The following PCDHGB6 variants were observed in gnomAD, a reference collection of about 807,000 sequenced individuals.
PCDHGB6 encodes the protein protocadherin gamma-B6.
PCDHGB6 carries 51 observed loss-of-function variants against 59.1 expected under a neutral mutation model. The ratio of observed to expected loss-of-function variants is 0.86; its 90% CI spans 0.69 to 1.09. PCDHGB6 has a LOEUF of 1.09. PCDHGB6 is among the 50% of genes least tolerant of loss of function. PCDHGB6 has a pLI of 0.00. For missense variants in PCDHGB6, 1,148 were observed against 1,205.1 expected (o/e 0.95, Z 0.70); for synonymous variants, 466 against 495.1 (o/e 0.94, Z 0.78).
At position 141,489,181 on chromosome 5, in the gene PCDHGB6, T is replaced by C; in HGVS notation, c.2419-5626T>C. The C allele has an allele frequency of 1.6e-6, 2 of 1,259,546 alleles. No homozygotes were observed. The highest frequency in any genetic ancestry group is 2.2e-6 in the Non-Finnish European group (2 of 905,040). The allele number at this position is 1,259,546 out of a possible 1,614,324, so 78.0% of individuals were successfully genotyped here. ...ACTTCAGCTGCTGCATTCCAAGCCC[T>C]GGGTCTACCTTGGAGACAGGACAGC... On this transcript the variant is annotated intron_variant, in intron 1 of 3. Transcript: ENST00000520790. This position sits in a 1 kb window ranked among gnomAD's most constrained non-coding sequence, Gnocchi z 4.5.
chr5:141,442,414 ACTT>A (rs1258523193), intron 1 of PCDHGB6: 2 of 152,190 alleles, frequency 1.3e-5, no homozygotes, highest in Non-Finnish European at 2.9e-5. Flanking sequence ...GGCTGAGTGA[ACTT>A]CTTTTTTGAA....
chr5:141,483,435 A>G (rs2099581280), intron 1 of PCDHGB6, among the ~76,000 whole-genome samples: 1 of 152,180 alleles, frequency 6.6e-6, no homozygotes, highest in Admixed American at 6.5e-5. Context: ...GGAGCTGACT[A>G]CAATAAAATC....
chr5:141,429,232 G>T (rs938585192), intron 1 of PCDHGB6: 2 of 151,668 alleles, frequency 1.3e-5, no homozygotes, highest in Non-Finnish European at 2.9e-5. Flanking sequence ...TTATGATACT[G>T]CTGTCATTGA....
chr5:141,490,497 C>G lies in PCDHGB6; in HGVS notation c.2419-4310C>G. The stretch of plus-strand genomic sequence containing the variant: ...CTTTGGACCGGGAGGCCACATCCCA[C>G]TATATCATCGAGCTGCTGGCCAGCG... On this transcript the variant is annotated intron_variant, in intron 1 of 3. Transcript: ENST00000520790. The surrounding 1 kb of genome is among the most constrained non-coding windows in gnomAD (Gnocchi z 5.4). 6.2e-7 allele frequency: 1 copy of G among 1,614,196 alleles called. No individual in the cohort carries two copies. Among genetic ancestry groups the G allele is most frequent in the South Asian group, 1.1e-5 (1 of 91,084 alleles).
At chr5:141,451,018 C>T (rs1307161489) in intron 1 of PCDHGB6, among the ~76,000 whole-genome samples, 7 of 151,264 alleles carry the variant, frequency 4.6e-5, no homozygotes, top group African/African-American at 1.5e-4. Flanking sequence ...TTAGTAGAGA[C>T]GAGGTTTCAC....
At chr5:141,427,361 A>C in intron 1 of PCDHGB6, 1 of 457,772 alleles carries the variant, frequency 2.2e-6, no homozygotes, top group Non-Finnish European at 4.4e-6. Flanking sequence ...AGGACGCAGA[A>C]CCCTGGACGG....
rs764742899 is a variant in PCDHGB6, at chr5:141,487,062, C to T, written c.2419-7745C>T. On this transcript the variant is annotated intron_variant, in intron 1 of 3. Transcript: ENST00000520790. This position sits in a 1 kb window ranked among gnomAD's most constrained non-coding sequence, Gnocchi z 5.0. Reference sequence around the variant, plus strand: ...TCTCGATATGCTGGGGAGGTGCGGACGGCTGTTCCTATCCCAGCTGACCTC... The same window carrying T: ...TCTCGATATGCTGGGGAGGTGCGGATGGCTGTTCCTATCCCAGCTGACCTC... 2.8e-5 allele frequency: 45 copies of T among 1,613,980 alleles called. No homozygotes were observed. Among genetic ancestry groups the T allele is most frequent in the East Asian group, 1.3e-4 (6 of 44,874 alleles).
chr5:141,492,579 G>T (rs547852117), intron 1 of PCDHGB6, among the ~76,000 whole-genome samples: 2 of 152,356 alleles, frequency 1.3e-5, no homozygotes, highest in East Asian at 1.9e-4. Context: ...GAGGCGCGGG[G>T]CCAGGAGCGC....
At chr5:141,430,612 G>A (rs1406353008) in intron 1 of PCDHGB6, 2 of 680,678 alleles carry the variant, frequency 2.9e-6, no homozygotes, top group African/African-American at 3.7e-5. Flanking sequence ...GCACAAAGCA[G>A]ATAGCTAGGA....
chr5:141,475,106 G>T (rs1182368610), intron 1 of PCDHGB6, among the ~76,000 whole-genome samples: 6 of 152,220 alleles, frequency 3.9e-5, no homozygotes, highest in Admixed American at 2.0e-4. Context: ...ATCCTAGGTG[G>T]TAAATAGGCC....
rs1262043820 is a variant in PCDHGB6, at chr5:141,415,755, T to TTG, written c.2418+5136_2418+5137insGT. Reference sequence around the variant, plus strand: ...GTTTATTAAGGTTTTTTTTTTTTTTTTTTTTTTTTTTTTTTTTACTTTCTG... The same window carrying TTG: ...GTTTATTAAGGTTTTTTTTTTTTTTTTGTTTTTTTTTTTTTTTTTACTTTCTG... On this transcript the variant is annotated intron_variant, in intron 1 of 3. Transcript: ENST00000520790. 56 of 1,387,630 alleles carry TTG rather than the reference T, an allele frequency of 4.0e-5. No individual in the cohort carries two copies. The African/African-American group carries it at 7.5e-4, about 19-fold the overall frequency. The allele number at this position is 1,387,630 out of a possible 1,614,324, so 86.0% of individuals were successfully genotyped here. A position where few individuals can be genotyped will look rare whatever the true frequency, so the allele number is the denominator to read the frequency against.
rs762408704 is a variant in PCDHGB6 at position 141,486,335 on chromosome 5, C to G, written c.2419-8472C>G. 6.2e-7 allele frequency: 1 copy of G among 1,613,936 alleles called. No individual in the cohort carries two copies. The highest frequency in any genetic ancestry group is 8.5e-7 in the Non-Finnish European group (1 of 1,180,002). ...AGGGTCAAACGGAGATGTGAGCCTC[C>G]GCATTCCTGACCACTTGCCATTTGC... On this transcript the variant is annotated intron_variant, in intron 1 of 3. Transcript: ENST00000520790. This position sits in a 1 kb window ranked among gnomAD's most constrained non-coding sequence, Gnocchi z 5.0.
chr5:141,494,773 G>C, intron 1 of PCDHGB6, 34 bp from the exon 2 acceptor site: 1 of 1,613,966 alleles, frequency 6.2e-7, no homozygotes, highest in Non-Finnish European at 8.5e-7. Context: ...CTTCTCACGG[G>C]TACTCAGCCC....
At chr5:141,510,682 G>C (rs1014890367) in intron 3 of PCDHGB6, among the ~76,000 whole-genome samples, 2 of 152,154 alleles carry the variant, frequency 1.3e-5, no homozygotes, top group Non-Finnish European at 2.9e-5. Context: ...GTGGCATAAG[G>C]AGGTTAGGTA....
At position 141,422,330 on chromosome 5, in the gene PCDHGB6, C is replaced by T. The variant is rs200342957; in HGVS notation, c.2418+11710C>T. 1,454 of 1,548,164 alleles carry T rather than the reference C, an allele frequency of 9.4e-4. 3 individuals carry two copies. The highest frequency in any genetic ancestry group is 7.9e-4 in the Non-Finnish European group (910 of 1,153,526). On this transcript the variant is annotated intron_variant, in intron 1 of 3. Transcript: ENST00000520790. The stretch of plus-strand genomic sequence containing the variant: ...AACTCTCCTCCAGGTACAGTGATTG[C>T]TCTTCTAAATGTGCAAGATCAAGAT...
chr5:141,478,097 A>G lies in PCDHGB6; in HGVS notation c.2419-16710A>G, dbSNP rs757796085. Reference sequence around the variant, plus strand: ...GGAGCCTTCGCTCTCCACCACTGCTACCCTCACTGTGTCAGTAACCGAGGA... The same window carrying G: ...GGAGCCTTCGCTCTCCACCACTGCTGCCCTCACTGTGTCAGTAACCGAGGA... On this transcript the variant is annotated intron_variant, in intron 1 of 3. Transcript: ENST00000520790. 9.9e-6 allele frequency: 16 copies of G among 1,613,666 alleles called. No homozygotes were observed. Among genetic ancestry groups the G allele is most frequent in the Admixed American group, 1.7e-5 (1 of 59,970 alleles).
At chr5:141,413,449 G>T in intron 1 of PCDHGB6, 2 of 1,614,120 alleles carry the variant, frequency 1.2e-6, no homozygotes, top group South Asian at 2.2e-5. Context: ...GATCACCGCG[G>T]GCAGGATAGA....
chr5:141,459,404 G>C (rs2098967432), intron 1 of PCDHGB6, among the ~76,000 whole-genome samples: 1 of 152,182 alleles, frequency 6.6e-6, no homozygotes, highest in Non-Finnish European at 1.5e-5. Flanking sequence ...GAGCAGTATT[G>C]CATTGTGTGG....
chr5:141,460,848 C>T lies in PCDHGB6; in HGVS notation c.2419-33959C>T, dbSNP rs528601988. Among the ~76,000 whole-genome samples, 257 of 150,340 alleles carry T rather than the reference C, an allele frequency of 1.7e-3. 1 individual carries two copies. The highest frequency in any genetic ancestry group is 4.2e-3 in the Admixed American group (62 of 14,868). ...ACACTTAAAGTAATGGCCTCCAGTT[C>T]GATCCAAGTTGCTGCAAAGGACATT... is the stretch of plus-strand genomic sequence containing the variant. On this transcript the variant is annotated intron_variant, in intron 1 of 3. Transcript: ENST00000520790.
Sources: gnomAD v4.1 joint callset for allele counts (sites outside exome capture counted in the v4.1 genomes callset) on GRCh38, gnomAD v4.1.1 for gene constraint, Gnocchi (gnomAD v3.1) non-coding constraint, MANE v1.5 for transcripts, NCBI Gene and HGNC (gene_info 2026-07-23, HGNC 2026-07-21) for gene names.